MECOM: variants seen among roughly 807,000 people sequenced by gnomAD.
MECOM encodes the protein MDS1 and EVI1 complex locus, also known as histone-lysine N-methyltransferase MECOM.
MECOM carries 13 observed loss-of-function variants against 116.3 expected under a neutral mutation model. The ratio of observed to expected loss-of-function variants is 0.11; its 90% CI spans 0.07 to 0.18. MECOM has a LOEUF of 0.18. MECOM is among the 10% of genes least tolerant of loss of function. MECOM has a pLI of 1.00. For synonymous variants in MECOM, 528 were observed against 535.2 expected, an observed-to-expected ratio of 0.99 and a Z score of 0.19; for missense variants, 1,299 against 1,509.0, an observed-to-expected ratio of 0.86 and a Z score of 2.31.
chr3:169,126,607 G>A lies in MECOM; in HGVS notation c.830+1237C>T, dbSNP rs143375511. Among the ~76,000 whole-genome samples, 128 of 152,022 alleles carry A rather than the reference G, an allele frequency of 8.4e-4. 1 individual carries two copies. Among genetic ancestry groups the A allele is most frequent in the East Asian group, 9.6e-4 (5 of 5,182 alleles). ...AAGTTCTGGGAAAGCCCTCTTGTTC[G>A]GTAAAATGTTTACTCTCTAATAGCT... On this transcript the variant is annotated intron_variant, in intron 5 of 16. Coordinates refer to ENST00000651503, the MANE Select transcript of MECOM (RefSeq NM_004991.4).
At chr3:169,631,728 T>C (rs1241335214) in intron 1 of MECOM, among the ~76,000 whole-genome samples, 3 of 151,544 alleles carry the variant, frequency 2.0e-5, no homozygotes, top group Non-Finnish European at 2.9e-5. Context: ...TTTTTGTTCT[T>C]GCGATAGTTT....
intron 5 of MECOM, among the ~76,000 whole-genome samples, chr3:169,123,505 C>T (rs970784225): frequency 2.6e-5 from 4 of 151,756 alleles, no homozygotes; most frequent in African/African-American, 9.7e-5. Context: ...CAAATGTTTG[C>T]CCCCATTTTC....
At chr3:169,471,982 C>A (rs1486064375) in intron 1 of MECOM, among the ~76,000 whole-genome samples, 1 of 151,890 alleles carries the variant, frequency 6.6e-6, no homozygotes, top group Non-Finnish European at 1.5e-5. Flanking sequence ...TAGACTTGGG[C>A]TAGACTTCAT....
intron 2 of MECOM, among the ~76,000 whole-genome samples, chr3:169,175,729 T>C (rs1745060091): frequency 6.6e-6 from 1 of 152,194 alleles, no homozygotes; most frequent in African/African-American, 2.4e-5. Context: ...ACAATGTTTG[T>C]ATAAAGACTA....
intron 1 of MECOM, among the ~76,000 whole-genome samples, chr3:169,500,749 G>C (rs1754427592): frequency 1.3e-5 from 2 of 151,896 alleles, no homozygotes; most frequent in Non-Finnish European, 1.5e-5. Context: ...TACAAAAGTA[G>C]TTTTAATTGA....
chr3:169,584,097 T>C (rs574413457), intron 1 of MECOM, among the ~76,000 whole-genome samples: 19 of 152,284 alleles, frequency 1.2e-4, no homozygotes, highest in African/African-American at 4.6e-4. Context: ...GTTATTTGTC[T>C]TAATGAGGCT....
intron 2 of MECOM, among the ~76,000 whole-genome samples, chr3:169,267,828 G>A (rs909826461): frequency 4.6e-5 from 7 of 151,856 alleles, no homozygotes; most frequent in African/African-American, 9.7e-5. Flanking sequence ...AGAGAAACAC[G>A]AATAATCACA....
chr3:169,273,297 G>A (rs567277102), intron 2 of MECOM, among the ~76,000 whole-genome samples: 1 of 152,132 alleles, frequency 6.6e-6, no homozygotes, highest in Admixed American at 6.5e-5. Context: ...AAATCACAGA[G>A]ATAGATTAAA....
At chr3:169,252,986 T>C (rs919809358) in intron 2 of MECOM, among the ~76,000 whole-genome samples, 7 of 152,210 alleles carry the variant, frequency 4.6e-5, no homozygotes, top group Admixed American at 2.0e-4. Flanking sequence ...CTTTAATACT[T>C]AACTCATCAA....
At chr3:169,388,755 C>T (rs978153357) in intron 1 of MECOM, among the ~76,000 whole-genome samples, 1 of 152,112 alleles carries the variant, frequency 6.6e-6, no homozygotes, top group East Asian at 1.9e-4. Flanking sequence ...CTAGATACGA[C>T]CATTATGTTT....
intron 1 of MECOM, among the ~76,000 whole-genome samples, chr3:169,398,007 C>T (rs1445942434): frequency 6.6e-6 from 1 of 152,158 alleles, no homozygotes; most frequent in African/African-American, 2.4e-5. Flanking sequence ...GAACTGCTAG[C>T]AAAGAGTGAT....
At chr3:169,632,128 T>C (rs1479781262) in intron 1 of MECOM, among the ~76,000 whole-genome samples, 2 of 152,146 alleles carry the variant, frequency 1.3e-5, no homozygotes, top group African/African-American at 2.4e-5. Context: ...GGAAAGGCCA[T>C]TAGCTATCCT....
intron 2 of MECOM, among the ~76,000 whole-genome samples, chr3:169,168,337 CT>C (rs1166736467): frequency 0.022 from 2,423 of 108,452 alleles, 36 homozygotes; most frequent in African/African-American, 0.047. Flanking sequence ...ACTTGGCCTG[CT>C]TTTTTTTTTT....
chr3:169,643,760 C>G (rs1282473253), intron 1 of MECOM, among the ~76,000 whole-genome samples: 1 of 152,212 alleles, frequency 6.6e-6, no homozygotes, highest in Non-Finnish European at 1.5e-5. Context: ...TTTTAGAATA[C>G]AGCTTCCTAT....
chr3:169,300,463 A>G (rs1313891444), intron 2 of MECOM, among the ~76,000 whole-genome samples: 2 of 152,240 alleles, frequency 1.3e-5, no homozygotes, highest in Non-Finnish European at 1.5e-5. Context: ...TAGTTAACCC[A>G]GTTGACTCAA....
At chr3:169,301,139 CAT>C (rs1716646526) in intron 2 of MECOM, among the ~76,000 whole-genome samples, 1 of 152,160 alleles carries the variant, frequency 6.6e-6, no homozygotes, top group African/African-American at 2.4e-5. Flanking sequence ...TAGATAATAA[CAT>C]ATCTCATCAT....
chr3:169,350,236 CT>C (rs1195422242), intron 2 of MECOM, among the ~76,000 whole-genome samples: 2 of 152,018 alleles, frequency 1.3e-5, no homozygotes, highest in Middle Eastern at 3.4e-3. Context: ...TTTAACAGAA[CT>C]AAAAATAAAT....
At position 169,490,819 on chromosome 3, in the gene MECOM, AAATGTT is replaced by A. The variant is rs767085032; in HGVS notation, c.38-109301_38-109296del. Among the ~76,000 whole-genome samples the A allele has an allele frequency of 2.0e-3, 308 of 152,326 alleles. 1 individual carries two copies. Among genetic ancestry groups the A allele is most frequent in the Non-Finnish European group, 3.2e-3 (218 of 68,022 alleles). Reference sequence around the variant, plus strand: ...AAGAGAGTTTGTTAGTAGATATGCAAAATGTTAATATTTGAGTATATAGGTATTTTT... The same window carrying A: ...AAGAGAGTTTGTTAGTAGATATGCAAAATATTTGAGTATATAGGTATTTTT... On this transcript the variant is annotated intron_variant, in intron 1 of 16. Transcript: ENST00000651503.
rs77092450 is a variant in MECOM at position 169,282,355 on chromosome 3, T to A, written c.375+98832A>T. ...GAAGTGCGATTTGAGGGATATCGAG[T>A]TGCTAAACCCTGAAGAAGGTATCCC... On this transcript the variant is annotated intron_variant, in intron 2 of 16. Coordinates refer to ENST00000651503, the MANE Select transcript of MECOM (RefSeq NM_004991.4). Among the ~76,000 whole-genome samples the A allele has an allele frequency of 2.8e-3, 422 of 152,166 alleles. 1 individual carries two copies. Among genetic ancestry groups the A allele is most frequent in the African/African-American group, 9.5e-3 (396 of 41,520 alleles).
Sources: allele counts gnomAD v4.1 joint callset (sites outside exome capture counted in the v4.1 genomes callset), GRCh38; gene constraint gnomAD v4.1.1; transcripts MANE v1.5; gene names NCBI Gene and HGNC (gene_info 2026-07-23, HGNC 2026-07-21).